The following SLC36A4 variants were observed in gnomAD, a reference collection of about 807,000 sequenced individuals.
SLC36A4 encodes the protein solute carrier family 36 member 4.
SLC36A4 carries 49 observed loss-of-function variants against 50.5 expected under a neutral mutation model. That is an observed-to-expected ratio of 0.97 (90% CI 0.77 to 1.23). SLC36A4 has a LOEUF of 1.23. Ranked by LOEUF, SLC36A4 falls within the 50% of genes most tolerant of loss-of-function variation. The pLI, the probability that SLC36A4 is intolerant of heterozygous loss-of-function variation, is 0.00. For synonymous variants in SLC36A4, 207 were observed against 206.5 expected (o/e 1.00, Z -0.02); for missense variants, 611 against 608.4 (o/e 1.00, Z -0.05).
At chr11:93,176,542 C>G (rs1453128603) in intron 6 of SLC36A4, among the ~76,000 whole-genome samples, 1 of 151,606 alleles carries the variant, frequency 6.6e-6, no homozygotes, top group East Asian at 1.9e-4. Context: ...TCTTCCTAGT[C>G]TCGATGGTCT....
At chr11:93,176,380 G>A (rs1272871097) in intron 6 of SLC36A4, among the ~76,000 whole-genome samples, 1 of 152,154 alleles carries the variant, frequency 6.6e-6, no homozygotes, top group East Asian at 1.9e-4. Context: ...ACAGCACACT[G>A]ATGGGTCCTG....
Position 93,145,973 on chromosome 11 carries a change from G to A in SLC36A4, c.*2564C>T, listed in dbSNP as rs1421410535. 6.6e-6 allele frequency: 1 copy of A among 151,978 alleles called. No individual in the cohort carries two copies. Among genetic ancestry groups the A allele is most frequent in the Non-Finnish European group, 1.5e-5 (1 of 67,948 alleles). 9.4% of individuals were successfully genotyped at this position (151,978 alleles called of 1,614,324 possible). On this transcript the variant is annotated 3_prime_UTR_variant, in exon 11 of 11. Transcript: ENST00000326402. ...CATTTAAGCTTTCCATCTAAATAGT[G>A]TTTCTTGTTGAGAATTAAAACTTTC...
At chr11:93,163,345 T>A (rs994738855) in intron 8 of SLC36A4, among the ~76,000 whole-genome samples, 1 of 152,172 alleles carries the variant, frequency 6.6e-6, no homozygotes, top group Non-Finnish European at 1.5e-5. Context: ...CAGAGCTCCA[T>A]CCAGGATACC....
intron 1 of SLC36A4, among the ~76,000 whole-genome samples, chr11:93,186,904 GGGGT>G (rs1279930119): frequency 6.6e-6 from 1 of 152,122 alleles, no homozygotes; most frequent in Non-Finnish European, 1.5e-5. Context: ...CAGTAAGTCT[GGGGT>G]GGGCCTGAAA....
At position 93,196,588 on chromosome 11, in the gene SLC36A4, C is replaced by T. The variant is rs1048434972; in HGVS notation, c.55+1190G>A. 2.0e-5 allele frequency among the ~76,000 whole-genome samples: 3 copies of T among 152,146 alleles called. No individual in the cohort carries two copies. The South Asian group carries it at 6.2e-4, about 31-fold the overall frequency. On this transcript the variant is annotated intron_variant, in intron 1 of 10. Coordinates refer to ENST00000326402, the MANE Select transcript of SLC36A4 (RefSeq NM_152313.4). ...TCACCGTGTTAGCCAGGATGGTCTC[C>T]ATCTCCTGACCTTGTGATGATCCGG...
At chr11:93,159,235 C>G (rs1472067839) in intron 9 of SLC36A4, among the ~76,000 whole-genome samples, 1 of 151,980 alleles carries the variant, frequency 6.6e-6, no homozygotes, top group African/African-American at 2.4e-5. Context: ...ATTTTTCAGC[C>G]AATATATTGA....
Position 93,180,844 on chromosome 11 carries a change from C to T in SLC36A4, c.493G>A (p.Gly165Arg), listed in dbSNP as rs1019157506. 2 of 1,612,760 alleles carry T rather than the reference C, an allele frequency of 1.2e-6. No individual in the cohort carries two copies. The highest frequency in any genetic ancestry group is 2.7e-5 in the African/African-American group (2 of 74,844). Residue 165 changes from glycine (G) to arginine (R), a missense_variant, in exon 6 of 11, where the codon GGA becomes AGA. Physicochemically the swap from Gly to Arg is moderately radical, Grantham distance 125. Transcript: ENST00000326402. The part of the protein sequence containing the change: ...VDFFLVITQL[G>R]FCSVYIVFLA... ...AAGACAATATAAACACTACAGAATC[C>T]CAGCTGTGTTATCACCAGAAAAAAG...
chr11:93,195,355 G>A (rs1183178634), intron 1 of SLC36A4, among the ~76,000 whole-genome samples: 1 of 151,798 alleles, frequency 6.6e-6, no homozygotes, highest in African/African-American at 2.4e-5. Flanking sequence ...AGTCTTCCAT[G>A]TCTCCTCCGT....
intron 7 of SLC36A4, chr11:93,167,496 G>C (rs1309682686): frequency 6.5e-6 from 1 of 152,766 alleles, no homozygotes; most frequent in East Asian, 1.9e-4. Context: ...ATATACTTCA[G>C]GTAAAGGGAT....
intron 10 of SLC36A4, chr11:93,152,208 A>G (rs1860122501): frequency 6.6e-6 from 1 of 152,124 alleles, no homozygotes; most frequent in Non-Finnish European, 1.5e-5. Flanking sequence ...AATCAGGCTG[A>G]GCCTCCACTC....
chr11:93,161,252 C>T (rs1225699623), intron 9 of SLC36A4, among the ~76,000 whole-genome samples: 1 of 152,138 alleles, frequency 6.6e-6, no homozygotes, highest in Non-Finnish European at 1.5e-5. Context: ...TTATACTAAG[C>T]TGTTTAAGCT....
At chr11:93,156,498 C>A (rs1860370719) in intron 9 of SLC36A4, among the ~76,000 whole-genome samples, 1 of 151,354 alleles carries the variant, frequency 6.6e-6, no homozygotes, top group African/African-American at 2.4e-5. Context: ...TAGCTCACTG[C>A]AACCTCCACC....
intron 7 of SLC36A4, 91 bp from the exon 8 acceptor site, chr11:93,166,107 T>G (rs2134656369): frequency 7.8e-7 from 1 of 1,279,132 alleles, no homozygotes; most frequent in African/African-American, 1.5e-5. Context: ...AATTTTGAGC[T>G]TCACAACAGC....
intron 6 of SLC36A4, among the ~76,000 whole-genome samples, chr11:93,175,574 T>C (rs1465167632): frequency 8.2e-6 from 1 of 122,594 alleles, no homozygotes; most frequent in African/African-American, 2.6e-5. Flanking sequence ...TGCTTTCTCT[T>C]GTGGGCATTT....
At chr11:93,169,108 C>T (rs1420129055) in intron 6 of SLC36A4, among the ~76,000 whole-genome samples, 1 of 152,072 alleles carries the variant, frequency 6.6e-6, no homozygotes, top group Non-Finnish European at 1.5e-5. Flanking sequence ...GATACACACA[C>T]TCTAAAAATT....
At chr11:93,164,960 T>C (rs1235281893) in intron 8 of SLC36A4, among the ~76,000 whole-genome samples, 2 of 152,122 alleles carry the variant, frequency 1.3e-5, no homozygotes, top group Non-Finnish European at 2.9e-5. Context: ...TTTGGAATTG[T>C]TGAATTTGAG....
chr11:93,170,019 C>T (rs917439356), intron 6 of SLC36A4: 2 of 151,826 alleles, frequency 1.3e-5, no homozygotes, highest in African/African-American at 4.8e-5. Flanking sequence ...AATTCTATCA[C>T]AAATATAGTA....
intron 6 of SLC36A4, chr11:93,180,090 T>G (rs1215228277): frequency 1.8e-5 from 17 of 950,442 alleles, no homozygotes; most frequent in Non-Finnish European, 2.1e-5. Flanking sequence ...AAATGTTTAC[T>G]GTACCATGGA....
At chr11:93,194,185 A>C (rs1489239015) in intron 1 of SLC36A4, among the ~76,000 whole-genome samples, 1 of 152,168 alleles carries the variant, frequency 6.6e-6, no homozygotes, top group Admixed American at 6.5e-5. Context: ...TTGGATCATT[A>C]GTGTGCTTTT....
Sources: gnomAD v4.1 joint callset for allele counts (sites outside exome capture counted in the v4.1 genomes callset) on GRCh38, gnomAD v4.1.1 for gene constraint, MANE v1.5 for transcripts, NCBI Gene and HGNC (gene_info 2026-07-23, HGNC 2026-07-21) for gene names.